HELZ: variants seen among roughly 807,000 people sequenced by gnomAD.
HELZ encodes the protein helicase with zinc finger.
In HELZ, 23 loss-of-function variants were observed where a neutral mutation model predicts 218.2. The observed-to-expected ratio is 0.11, with a 90% CI of 0.08 to 0.15. The LOEUF is 0.15. Ranked by LOEUF, HELZ falls within the 10% of genes least tolerant of loss-of-function variation. HELZ has a pLI of 1.00. For synonymous variants in HELZ, 814 were observed against 829.4 expected (o/e 0.98, Z 0.32); for missense variants, 1,813 against 2,353.7 (o/e 0.77, Z 4.75).
At chr17:67,233,961 G>A (rs945122474) in intron 3 of HELZ, among the ~76,000 whole-genome samples, 41 of 150,402 alleles carry the variant, frequency 2.7e-4, no homozygotes, top group African/African-American at 9.0e-4. Context: ...CACGAGAATC[G>A]CTTGAACCCG....
At chr17:67,205,761 T>C (rs1362515061) in intron 5 of HELZ, among the ~76,000 whole-genome samples, 1 of 152,270 alleles carries the variant, frequency 6.6e-6, no homozygotes, top group Non-Finnish European at 1.5e-5. Context: ...AGGTATTTGC[T>C]GAATTTCATT....
intron 20 of HELZ, among the ~76,000 whole-genome samples, chr17:67,147,238 T>G (rs2038525677): frequency 6.6e-6 from 1 of 152,188 alleles, no homozygotes; most frequent in African/African-American, 2.4e-5. Flanking sequence ...TTTCCAGAAT[T>G]GCCCCTGTGG....
chr17:67,239,070 C>A (rs1305471066), intron 3 of HELZ, among the ~76,000 whole-genome samples: 1 of 152,172 alleles, frequency 6.6e-6, no homozygotes, highest in Non-Finnish European at 1.5e-5. Context: ...AATACTTAAC[C>A]AAGTTCACTG....
At chr17:67,114,217 T>G in intron 28 of HELZ, 107 bp downstream of exon 28, 1 of 739,620 alleles carries the variant, frequency 1.4e-6, no homozygotes, top group Non-Finnish European at 2.4e-6. Context: ...AAAATAAACA[T>G]AAAGGATAAG....
intron 6 of HELZ, among the ~76,000 whole-genome samples, chr17:67,201,419 G>A (rs2040165649): frequency 6.6e-6 from 1 of 152,128 alleles, no homozygotes; most frequent in Admixed American, 6.5e-5. Context: ...TAAAACCACT[G>A]TATTCACCTT....
intron 26 of HELZ, 53 bp from the exon 27 acceptor site, chr17:67,120,665 C>A: frequency 8.0e-7 from 1 of 1,242,350 alleles, no homozygotes; most frequent in Non-Finnish European, 1.2e-6. Flanking sequence ...GGAAGGCAAA[C>A]TGCTAGAGTG....
intron 5 of HELZ, among the ~76,000 whole-genome samples, chr17:67,207,695 C>T (rs752707946): frequency 8.5e-5 from 13 of 152,134 alleles, no homozygotes; most frequent in Non-Finnish European, 1.8e-4. Context: ...TATAATCATG[C>T]TCTCAGAACT....
Position 67,109,320 on chromosome 17 carries a change from T to C in HELZ, c.4285A>G (p.Asn1429Asp), listed in dbSNP as rs924904124. The C allele has an allele frequency of 6.2e-7, 1 of 1,613,912 alleles. No individual in the cohort carries two copies. Residue 1429 changes from asparagine (N) to aspartate (D), a missense_variant, in exon 29 of 33, where the codon AAT (asparagine) becomes GAT (aspartate). Asn to Asp is a conservative substitution (Grantham distance 23). This residue lies in a region of HELZ where 938 missense variants were observed against 1,027.5 expected (regional missense o/e 0.91). Coordinates refer to ENST00000358691, the MANE Select transcript of HELZ (RefSeq NM_014877.4). ...GCAACTGCACTATTAAAAAAAGCAT[T>C]GTTGGGTCCCGCCTGATATGCAGGA... ...LSPAYQAGPN[N>D]AFFNSAVAHR...
At chr17:67,184,278 T>A (rs2039691202) in intron 12 of HELZ, among the ~76,000 whole-genome samples, 1 of 152,224 alleles carries the variant, frequency 6.6e-6, no homozygotes, top group South Asian at 2.1e-4. Context: ...CTAAACTTAT[T>A]TGTACATGGC....
In HELZ at chr17:67,077,142, A is replaced by G. The variant is rs1313410619; in HGVS notation, c.*1110T>C. The G allele has an allele frequency of 6.6e-6, 1 of 152,612 alleles. No individual in the cohort carries two copies. The highest frequency in any genetic ancestry group is 2.4e-5 in the African/African-American group (1 of 41,456). 9.5% of individuals were successfully genotyped at this position (152,612 alleles called of 1,614,324 possible). On this transcript the variant is annotated 3_prime_UTR_variant, in exon 33 of 33. Coordinates refer to ENST00000358691, the MANE Select transcript of HELZ (RefSeq NM_014877.4). ...AAAAACAAGGGTAGTTTTCTGCCCC[A>G]GATTCTGATGAATTTTGATACATTT...
chr17:67,152,261 G>A (rs977203282), intron 17 of HELZ, among the ~76,000 whole-genome samples: 8 of 152,122 alleles, frequency 5.3e-5, no homozygotes, highest in Admixed American at 1.3e-4. Context: ...CTGAGAAGTC[G>A]TACACGTGAT....
chr17:67,151,814 A>T (rs1360346173), intron 17 of HELZ, among the ~76,000 whole-genome samples: 1 of 152,216 alleles, frequency 6.6e-6, no homozygotes, highest in Non-Finnish European at 1.5e-5. Flanking sequence ...TGCAAAAGAA[A>T]AATATTAATA....
In HELZ at chr17:67,074,055, G is replaced by A. The variant is rs1034031962; in HGVS notation, c.*4197C>T. On this transcript the variant is annotated 3_prime_UTR_variant, in exon 33 of 33. Transcript: ENST00000358691. ...CATTACCTATTCTTTCTAATTTCTA[G>A]GCGGTTTGAATGTGGATCAGATGGC... 6.6e-6 allele frequency: 1 copy of A among 152,116 alleles called. No individual in the cohort carries two copies. The highest frequency in any genetic ancestry group is 2.4e-5 in the African/African-American group (1 of 41,422). 9.4% of individuals were successfully genotyped at this position (152,116 alleles called of 1,614,324 possible). A position where few individuals can be genotyped will look rare whatever the true frequency, so the allele number is the denominator to read the frequency against.
chr17:67,152,985 C>G (rs1408250931), intron 17 of HELZ, among the ~76,000 whole-genome samples: 1 of 151,962 alleles, frequency 6.6e-6, no homozygotes, highest in Non-Finnish European at 1.5e-5. Flanking sequence ...GAAGACTGAC[C>G]ACAGGACTTA....
intron 20 of HELZ, among the ~76,000 whole-genome samples, chr17:67,147,994 A>C (rs1485702830): frequency 6.6e-6 from 1 of 152,246 alleles, no homozygotes; most frequent in African/African-American, 2.4e-5. Context: ...TTGATAATAA[A>C]CCAGTAAATG....
At position 67,120,362 on chromosome 17, in the gene HELZ, T is replaced by C. The variant is rs2037569372; in HGVS notation, c.3838+43A>G. 3 of 1,494,714 alleles carry C rather than the reference T, an allele frequency of 2.0e-6. No homozygotes were observed. In the East Asian group the frequency reaches 6.8e-5, roughly 34 times the overall value. The allele number at this position is 1,494,714 out of a possible 1,614,324, so 92.6% of individuals were successfully genotyped here. On this transcript the variant is annotated intron_variant, in intron 27 of 32. Transcript: ENST00000358691. ...CTTTCTATGTGGCTAAAACTTTACC[T>C]GTCATCAGTTTATGAACAGGAGAAC...
intron 27 of HELZ, among the ~76,000 whole-genome samples, chr17:67,117,777 T>C (rs1330949291): frequency 1.3e-5 from 2 of 152,048 alleles, no homozygotes; most frequent in African/African-American, 4.8e-5. Context: ...TCTCGAACTC[T>C]TGACCTCAGG....
At chr17:67,242,525 CACACATATATGT>C (rs2143529226) in intron 2 of HELZ, among the ~76,000 whole-genome samples, 2 of 1,492 alleles carry the variant, frequency 1.3e-3, no homozygotes, top group South Asian at 0.043. Flanking sequence ...TGTATATATA[CACACATATATGT>C]ATATATACAC....
intron 3 of HELZ, among the ~76,000 whole-genome samples, chr17:67,226,054 G>A (rs1425700388): frequency 1.3e-5 from 2 of 151,850 alleles, no homozygotes; most frequent in Non-Finnish European, 2.9e-5. Flanking sequence ...AAGGTCAAGC[G>A]ATCAAGACCA....
Sources: allele counts gnomAD v4.1 joint callset (sites outside exome capture counted in the v4.1 genomes callset), GRCh38; gene constraint gnomAD v4.1.1; regional missense constraint gnomAD v4.1.1; transcripts MANE v1.5; gene names NCBI Gene and HGNC (gene_info 2026-07-23, HGNC 2026-07-21).